Variants in AKIRIN2 observed in about 807,000 individuals in gnomAD.
AKIRIN2 encodes the protein akirin 2.
A neutral mutation model predicts 29.3 loss-of-function variants in AKIRIN2; 6 were observed. That is an observed-to-expected ratio of 0.20 (90% CI 0.11 to 0.40). The LOEUF (loss-of-function observed/expected upper bound fraction) is 0.40, where lower values mean the gene tolerates loss of function less well. AKIRIN2 is among the 10% of genes least tolerant of loss of function. The pLI, the probability that AKIRIN2 is intolerant of heterozygous loss-of-function variation, is 1.00. For synonymous variants in AKIRIN2, 128 were observed against 117.5 expected, an observed-to-expected ratio of 1.09 and a Z score of -0.58; for missense variants, 210 against 276.1, an observed-to-expected ratio of 0.76 and a Z score of 1.70.
At chr6:87,684,909 A>G (rs967074497) in intron 1 of AKIRIN2, among the ~76,000 whole-genome samples, 1 of 152,130 alleles carries the variant, frequency 6.6e-6, no homozygotes, top group Non-Finnish European at 1.5e-5. Flanking sequence ...CATATGGCAA[A>G]TGAAGGGTTT....
chr6:87,676,705 G>A (rs995904279), intron 3 of AKIRIN2, among the ~76,000 whole-genome samples: 1 of 151,438 alleles, frequency 6.6e-6, no homozygotes, highest in East Asian at 1.9e-4. Flanking sequence ...GCTTGAGCCC[G>A]GGAGGCAGAG....
rs1037225195 is a variant in AKIRIN2 at position 87,701,954 on chromosome 6, T to C, written c.-270A>G. ...ACGCCAGTCGCGTCAGGGGGGTTCT[T>C]CCGCCTCCTCAGGCGCGGCTCCCCC... On this transcript the variant is annotated 5_prime_UTR_variant, in exon 1 of 5. Transcript: ENST00000257787. 5.0e-5 allele frequency: 20 copies of C among 402,658 alleles called. No homozygotes were observed. Among genetic ancestry groups the C allele is most frequent in the African/African-American group, 2.9e-4 (14 of 48,594 alleles). The allele number at this position is 402,658 out of a possible 1,614,324, so 24.9% of individuals were successfully genotyped here.
chr6:87,677,979 G>A lies in AKIRIN2; in HGVS notation c.380-12C>T, dbSNP rs376564229. 31 of 1,604,290 alleles carry A rather than the reference G, an allele frequency of 1.9e-5. No homozygotes were observed. The highest frequency in any genetic ancestry group is 2.4e-5 in the Non-Finnish European group (28 of 1,175,370). ...TGCAGATGAAGTCCCTATGTACAAT[G>A]AGGACAAAAAATAGCACCTGGTTTA... On this transcript the variant is annotated splice_polypyrimidine_tract_variant and intron_variant, in intron 2 of 4. Coordinates refer to ENST00000257787, the MANE Select transcript of AKIRIN2 (RefSeq NM_018064.4).
At chr6:87,685,637 T>C (rs916758386) in intron 1 of AKIRIN2, among the ~76,000 whole-genome samples, 1 of 152,238 alleles carries the variant, frequency 6.6e-6, no homozygotes. Flanking sequence ...TTATGAGGCA[T>C]AGACTGAATT....
At position 87,701,643 on chromosome 6, in the gene AKIRIN2, G is replaced by A. The variant is rs1343588991; in HGVS notation, c.42C>T (p.Asp14=). 21 of 1,468,416 alleles carry A rather than the reference G, an allele frequency of 1.4e-5. No individual in the cohort carries two copies. The highest frequency in any genetic ancestry group is 1.1e-4 in the South Asian group (8 of 70,044). The allele number at this position is 1,468,416 out of a possible 1,614,324, so 91.0% of individuals were successfully genotyped here. A position where few individuals can be genotyped will look rare whatever the true frequency, so the allele number is the denominator to read the frequency against. The part of the protein sequence containing the change: ...GATLKRTLDF[D]PLLSPASPKR... The stretch of plus-strand genomic sequence containing the variant: ...TCGGGGACGCCGGGCTCAACAGCGG[G>A]TCGAAATCCAGAGTCCTTTTCAGAG... Residue 14 remains aspartate, a synonymous_variant, in exon 1 of 5, where the codon GAC becomes GAT. Coordinates refer to ENST00000257787, the MANE Select transcript of AKIRIN2 (RefSeq NM_018064.4).
intron 2 of AKIRIN2, among the ~76,000 whole-genome samples, chr6:87,679,479 C>T (rs528600686): frequency 6.6e-6 from 1 of 152,138 alleles, no homozygotes; most frequent in Non-Finnish European, 1.5e-5. Context: ...GCCTGGGCAA[C>T]GGAGTGAGAC....
intron 3 of AKIRIN2, among the ~76,000 whole-genome samples, chr6:87,677,408 A>C (rs895411321): frequency 6.6e-6 from 1 of 152,196 alleles, no homozygotes; most frequent in African/African-American, 2.4e-5. Flanking sequence ...AAATTATCAA[A>C]TTTTACTGAA....
In AKIRIN2 at chr6:87,675,258, T is replaced by C; in HGVS notation, c.*339A>G. ...AATCACACTAACTTCATCTGAAGTG[T>C]CATTCTACAGTTTTATTTACACAAC... On this transcript the variant is annotated 3_prime_UTR_variant, in exon 5 of 5. Transcript: ENST00000257787. The C allele has an allele frequency of 3.2e-6, 1 of 315,630 alleles. No individual in the cohort carries two copies. Among genetic ancestry groups the C allele is most frequent in the Non-Finnish European group, 5.9e-6 (1 of 169,058 alleles). 19.6% of individuals were successfully genotyped at this position (315,630 alleles called of 1,614,324 possible).
chr6:87,686,816 C>G (rs1771195284), intron 1 of AKIRIN2, among the ~76,000 whole-genome samples: 1 of 151,936 alleles, frequency 6.6e-6, no homozygotes, highest in Admixed American at 6.6e-5. Flanking sequence ...AAGGCCAAGG[C>G]AGGCGGATCA....
chr6:87,693,837 CTATGAAAGA>C (rs1489261261), intron 1 of AKIRIN2, among the ~76,000 whole-genome samples: 2 of 152,036 alleles, frequency 1.3e-5, no homozygotes, highest in East Asian at 3.9e-4. Flanking sequence ...TTACCCTGGG[CTATGAAAGA>C]TTGTCACAGT....
chr6:87,699,233 G>A (rs988695929), intron 1 of AKIRIN2, among the ~76,000 whole-genome samples: 1 of 152,186 alleles, frequency 6.6e-6, no homozygotes, highest in Non-Finnish European at 1.5e-5. Context: ...AAACTGGGAA[G>A]CTCTTTGATA....
rs554709920 is a variant in AKIRIN2, at chr6:87,678,165, G to A, written c.380-198C>T. 6.6e-5 allele frequency among the ~76,000 whole-genome samples: 10 copies of A among 152,166 alleles called. No homozygotes were observed. In the South Asian group the frequency reaches 1.2e-3, roughly 19 times the overall value. On this transcript the variant is annotated intron_variant, in intron 2 of 4. Transcript: ENST00000257787. The stretch of plus-strand genomic sequence containing the variant: ...TCAGCTGGTGACGCTGGAAAAACAC[G>A]GCAAGATGTAATTAAGATAAAAAAG...
chr6:87,691,440 T>TAAA lies in AKIRIN2; in HGVS notation c.236-9680_236-9678dup, dbSNP rs34981397. ...TGGGAAACAGGGCAAAACCTCATCT[T>TAAA]AAAAAAAAAAAAAAAAAAAAAAAAA... On this transcript the variant is annotated intron_variant, in intron 1 of 4. Transcript: ENST00000257787. Among the ~76,000 whole-genome samples the TAAA allele has an allele frequency of 1.3e-3, 110 of 84,804 alleles. 1 individual carries two copies. The highest frequency in any genetic ancestry group is 1.6e-3 in the African/African-American group (39 of 23,830). The allele number at this position is 84,804 out of a possible 152,430, so 55.6% of individuals were successfully genotyped here.
rs1342538583 is a variant in AKIRIN2, at chr6:87,677,871, C to A, written c.476G>T (p.Arg159Leu). The change falls in exon 3 of 5, where the codon CGT becomes CTT. Residue 159 changes from arginine (R) to leucine (L), a missense_variant. Around this residue, in one of 2 missense-constraint regions of AKIRIN2, gnomAD observed 199 missense variants for 236.5 expected, o/e 0.84. Transcript: ENST00000257787. The stretch of plus-strand genomic sequence containing the variant: ...ATATTCTTCTCGAACTTTCTCTTCA[C>A]GTTCTTTCAACAAACGTTCACAGAT... Reference protein sequence around the residue: ...GMICERLLKEREEKVREEYEE... With the variant: ...GMICERLLKELEEKVREEYEE... 1 of 1,614,052 alleles carries A rather than the reference C, an allele frequency of 6.2e-7. No homozygotes were observed. The highest frequency in any genetic ancestry group is 8.5e-7 in the Non-Finnish European group (1 of 1,179,996).
intron 3 of AKIRIN2, among the ~76,000 whole-genome samples, chr6:87,676,239 C>A (rs747896536): frequency 1.3e-5 from 2 of 151,430 alleles, no homozygotes; most frequent in Admixed American, 1.3e-4. Context: ...CCGAGGCGGG[C>A]GGATCACAAG....
chr6:87,687,340 C>T (rs567936219), intron 1 of AKIRIN2, among the ~76,000 whole-genome samples: 7 of 149,590 alleles, frequency 4.7e-5, no homozygotes, highest in Non-Finnish European at 1.0e-4. Flanking sequence ...GTTGGGAGTT[C>T]GAGACCAGCC....
At chr6:87,678,016 TA>T (rs1771052857) in intron 2 of AKIRIN2, 49 bp from the exon 3 acceptor site, 1 of 1,515,676 alleles carries the variant, frequency 6.6e-7, no homozygotes, top group Admixed American at 2.1e-5. Flanking sequence ...AGCCATGATA[TA>T]AAGCAGTTTC....
chr6:87,695,132 A>T (rs894689895), intron 1 of AKIRIN2, among the ~76,000 whole-genome samples: 3 of 152,228 alleles, frequency 2.0e-5, no homozygotes, highest in African/African-American at 7.2e-5. Context: ...ACCTGATAAT[A>T]GAAAAATTCT....
chr6:87,689,553 G>C (rs1050429581), intron 1 of AKIRIN2, among the ~76,000 whole-genome samples: 2 of 152,178 alleles, frequency 1.3e-5, no homozygotes, highest in African/African-American at 4.8e-5. Context: ...CCATGGACAT[G>C]ATTTTTTTAA....
Sources: gnomAD v4.1 joint callset for allele counts (sites outside exome capture counted in the v4.1 genomes callset) on GRCh38, gnomAD v4.1.1 for gene constraint, gnomAD v4.1.1 regional missense constraint, MANE v1.5 for transcripts, NCBI Gene and HGNC (gene_info 2026-07-23, HGNC 2026-07-21) for gene names.